COL13A1: variants seen among roughly 807,000 people sequenced by gnomAD.
COL13A1 encodes the protein collagen alpha-1(XIII) chain.
COL13A1 carries 89 observed loss-of-function variants against 130.9 expected under a neutral mutation model. The ratio of observed to expected loss-of-function variants is 0.68; its 90% CI spans 0.57 to 0.81. COL13A1 has a LOEUF of 0.81. Among genes scored for constraint, COL13A1 ranks in the 30% least tolerant of loss-of-function variants. COL13A1 has a pLI of 0.00. For missense variants in COL13A1, 879 were observed against 934.6 expected, an observed-to-expected ratio of 0.94 and a Z score of 0.78; for synonymous variants, 402 against 341.6, an observed-to-expected ratio of 1.18 and a Z score of -1.95.
rs1401908538 is a variant in COL13A1 at position 69,802,517 on chromosome 10, C to T, written c.94C>T (p.Arg32Trp). The change falls in exon 1 of 41, where the codon CGG becomes TGG. Residue 32 changes from arginine (R) to tryptophan (W), a missense_variant. Transcript: ENST00000645393. ...APGTVALVAARAERGARLPSP... is the reference protein window; with the variant it reads ...APGTVALVAAWAERGARLPSP... ...CGGGACGGTGGCTCTGGTGGCGGCG[C>T]GGGCGGAGCGCGGCGCACGGCTGCC... is the stretch of plus-strand genomic sequence containing the variant. The T allele has an allele frequency of 6.4e-7, 1 of 1,561,926 alleles. No homozygotes were observed. Among genetic ancestry groups the T allele is most frequent in the Non-Finnish European group, 8.6e-7 (1 of 1,157,288 alleles).
chr10:69,874,051 G>C (rs2059348275), intron 4 of COL13A1, among the ~76,000 whole-genome samples: 1 of 152,184 alleles, frequency 6.6e-6, no homozygotes. Context: ...GAAAGGTTAA[G>C]GGAAGAGTCA....
At chr10:69,945,052 G>C (rs1376415997) in intron 36 of COL13A1, among the ~76,000 whole-genome samples, 4 of 152,238 alleles carry the variant, frequency 2.6e-5, no homozygotes, top group Non-Finnish European at 5.9e-5. Flanking sequence ...TGTCAGCTGA[G>C]TGGAGGCAGG....
chr10:69,821,539 G>A (rs1272607951), intron 1 of COL13A1, among the ~76,000 whole-genome samples: 4 of 152,240 alleles, frequency 2.6e-5, no homozygotes, highest in Non-Finnish European at 5.9e-5. Flanking sequence ...GTAATCCAAT[G>A]AAGTGAGGAC....
At chr10:69,895,907 T>C (rs1223869740) in intron 13 of COL13A1, among the ~76,000 whole-genome samples, 1 of 152,182 alleles carries the variant, frequency 6.6e-6, no homozygotes, top group Non-Finnish European at 1.5e-5. Flanking sequence ...GCTCTGCACA[T>C]GGCCCCCTGT....
intron 2 of COL13A1, among the ~76,000 whole-genome samples, chr10:69,830,399 A>G (rs1848535696): frequency 6.6e-6 from 1 of 152,264 alleles, no homozygotes; most frequent in South Asian, 2.1e-4. Flanking sequence ...ATGAAAATGC[A>G]CACACAGTAA....
chr10:69,902,775 G>A lies in COL13A1; in HGVS notation c.778G>A (p.Gly260Ser), dbSNP rs1404067274. The change falls in exon 15 of 41, where the codon GGT becomes AGT. Residue 260 changes from glycine to serine, a missense_variant. By Grantham distance (56) the Gly-to-Ser change is moderately conservative (BLOSUM62 0). Around this residue, in one of 3 missense-constraint regions of COL13A1, gnomAD observed 715 missense variants for 721.0 expected, o/e 0.99. Transcript: ENST00000645393. ...CGAACAGAGCCAGGCCAGCATCCAA[G>A]GTCCACCAGGGCCCCCAGGCCCCCC... ...QGEQSQASIQ[G>S]PPGPPGPPGP... The A allele has an allele frequency of 3.2e-6, 5 of 1,554,964 alleles. No homozygotes were observed. The highest frequency in any genetic ancestry group is 2.7e-5 in the African/African-American group (2 of 73,180).
rs556714773 is a variant in COL13A1, at chr10:69,951,097, C to T, written c.2059-1785C>T. ...CTCCTGACCTCCAGTGATCCGCCCGCCTCCGCCTCCCAAAGTGCTGGGATT... is the reference window on the plus strand; with the variant it reads ...CTCCTGACCTCCAGTGATCCGCCCGTCTCCGCCTCCCAAAGTGCTGGGATT... On this transcript the variant is annotated intron_variant, in intron 38 of 40. Transcript: ENST00000645393. 7.8e-4 allele frequency among the ~76,000 whole-genome samples: 118 copies of T among 152,244 alleles called. 1 individual carries two copies. The highest frequency in any genetic ancestry group is 2.8e-3 in the African/African-American group (115 of 41,530).
chr10:69,836,634 C>T (rs7080527), intron 2 of COL13A1, among the ~76,000 whole-genome samples: 46,497 of 152,044 alleles, frequency 0.31, 7,699 homozygotes, highest in African/African-American at 0.42. Flanking sequence ...GTACACCAGG[C>T]AGGGCACTGT....
Position 69,889,415 on chromosome 10 carries a change from G to T in COL13A1, c.578G>T (p.Gly193Val). The change falls in exon 10 of 41, where the codon GGC becomes GTC. Residue 193 changes from glycine (G) to valine (V), a missense_variant and splice_region_variant. Physicochemically the swap from Gly to Val is moderately radical, Grantham distance 109. Around this residue, in one of 3 missense-constraint regions of COL13A1, gnomAD observed 715 missense variants for 721.0 expected, o/e 0.99. Transcript: ENST00000645393. The stretch of plus-strand genomic sequence containing the variant: ...GTACTCACCCTCTTCTCCTTCCAGG[G>T]CCACCCAGGACCAAAGGGCGACATG... ...PGPIGLDGKP[G>V]HPGPKGDMGL... The T allele has an allele frequency of 1.9e-6, 3 of 1,611,386 alleles. No individual in the cohort carries two copies. Among genetic ancestry groups the T allele is most frequent in the Non-Finnish European group, 2.5e-6 (3 of 1,178,964 alleles).
chr10:69,931,375 C>A lies in COL13A1; in HGVS notation c.1683+823C>A, dbSNP rs1395806531. On this transcript the variant is annotated intron_variant, in intron 30 of 40. Transcript: ENST00000645393. ...GTGACGAGGCTGCCCTAATCCCAAG[C>A]CTGCCGACCCAGCCTGGGAGCAGGC... 2.9e-5 allele frequency: 10 copies of A among 346,844 alleles called. No homozygotes were observed. In the East Asian group the frequency reaches 6.4e-4, roughly 22 times the overall value. 21.5% of individuals were successfully genotyped at this position (346,844 alleles called of 1,614,324 possible).
intron 2 of COL13A1, among the ~76,000 whole-genome samples, chr10:69,840,878 C>CAACCCAGCATCCTAAT (rs1247883128): frequency 5.3e-5 from 8 of 152,152 alleles, no homozygotes; most frequent in Admixed American, 2.0e-4. Context: ...CCAGCGTTCC[C>CAACCCAGCATCCTAAT]CTGCCCCCTG....
Position 69,930,513 on chromosome 10 carries a change from G to A in COL13A1, c.1644G>A (p.Glu548=), listed in dbSNP as rs778678894. The A allele has an allele frequency of 2.5e-6, 4 of 1,613,724 alleles. No individual in the cohort carries two copies. The highest frequency in any genetic ancestry group is 3.4e-6 in the Non-Finnish European group (4 of 1,179,796). Residue 548 remains glutamate (E), a synonymous_variant, in exon 30 of 41, where the codon GAG becomes GAA. Coordinates refer to ENST00000645393, the MANE Select transcript of COL13A1 (RefSeq NM_001368882.1). ...ACGGGCACCCAGGGAGCCCAGGAGA[G>A]AAGGGGGAAAAAGGGGAGACAGGAC... ...GENGHPGSPG[E]KGEKGETGQA... is the part of the protein sequence containing the mutation.
intron 37 of COL13A1, 121 bp downstream of exon 37, chr10:69,945,845 G>A: frequency 1.6e-6 from 2 of 1,231,432 alleles, no homozygotes; most frequent in East Asian, 5.2e-5. Flanking sequence ...GGCCGAGGCG[G>A]GCGCATCACG....
At chr10:69,928,707 A>G (rs1409454357) in intron 27 of COL13A1, among the ~76,000 whole-genome samples, 1 of 152,182 alleles carries the variant, frequency 6.6e-6, no homozygotes, top group Non-Finnish European at 1.5e-5. Flanking sequence ...GGTATTGGAC[A>G]TGGCTCTCCG....
At chr10:69,835,641 C>T (rs1849843484) in intron 2 of COL13A1, among the ~76,000 whole-genome samples, 2 of 152,106 alleles carry the variant, frequency 1.3e-5, no homozygotes, top group South Asian at 4.1e-4. Context: ...ATTCTTTGCT[C>T]GAGGATACAG....
intron 14 of COL13A1, among the ~76,000 whole-genome samples, chr10:69,901,657 A>G (rs769188463): frequency 5.3e-5 from 8 of 152,202 alleles, no homozygotes; most frequent in African/African-American, 7.2e-5. Flanking sequence ...ACAAGAGCTA[A>G]GCCCAGATTG....
At position 69,922,704 on chromosome 10, in the gene COL13A1, C is replaced by T; in HGVS notation, c.1144-4C>T. 1 of 1,602,568 alleles carries T rather than the reference C, an allele frequency of 6.2e-7. No homozygotes were observed. Among genetic ancestry groups the T allele is most frequent in the Non-Finnish European group, 8.5e-7 (1 of 1,175,142 alleles). On this transcript the variant is annotated splice_polypyrimidine_tract_variant and splice_region_variant and intron_variant, in intron 22 of 40. Coordinates refer to ENST00000645393, the MANE Select transcript of COL13A1 (RefSeq NM_001368882.1). ...GGGATGCTAACTCCACCTTCCACCC[C>T]CAGGGAGAGAAAGGCGATGCTGGCA...
Position 69,873,022 on chromosome 10 carries a change from A to G in COL13A1, c.399+812A>G, listed in dbSNP as rs560473466. Among the ~76,000 whole-genome samples the G allele has an allele frequency of 3.3e-5, 5 of 152,218 alleles. No homozygotes were observed. The South Asian group carries it at 8.3e-4, about 25-fold the overall frequency. ...AGCCTGGGGCATGGATGAGTTGAGT[A>G]GTGGGTATGTGTACCGGGTATGTGT... On this transcript the variant is annotated intron_variant, in intron 4 of 40. Coordinates refer to ENST00000645393, the MANE Select transcript of COL13A1 (RefSeq NM_001368882.1).
At chr10:69,827,427 G>A (rs1847756237) in intron 2 of COL13A1, among the ~76,000 whole-genome samples, 1 of 152,192 alleles carries the variant, frequency 6.6e-6, no homozygotes, top group South Asian at 2.1e-4. Flanking sequence ...ATTGCTTATT[G>A]ATGTCTGCTC....
Sources: allele counts gnomAD v4.1 joint callset (sites outside exome capture counted in the v4.1 genomes callset), GRCh38; gene constraint gnomAD v4.1.1; regional missense constraint gnomAD v4.1.1; transcripts MANE v1.5; gene names NCBI Gene and HGNC (gene_info 2026-07-23, HGNC 2026-07-21).